EP400: variants seen among roughly 807,000 people sequenced by gnomAD.
EP400 encodes the protein E1A binding protein p400.
Under a neutral mutation model 354.1 loss-of-function variants are expected in EP400, and 105 were observed. The observed-to-expected ratio is 0.30, with a 90% CI of 0.25 to 0.35. The LOEUF (loss-of-function observed/expected upper bound fraction) is 0.35. Ranked by LOEUF, EP400 falls within the 10% of genes least tolerant of loss-of-function variation. EP400 has a pLI of 1.00. For synonymous variants in EP400, 1,646 were observed against 1,716.9 expected, an observed-to-expected ratio of 0.96 and a Z score of 1.02; for missense variants, 3,280 against 4,121.0, an observed-to-expected ratio of 0.80 and a Z score of 5.59.
intron 1 of EP400, among the ~76,000 whole-genome samples, chr12:131,951,244 G>C (rs1209713465): frequency 6.6e-6 from 1 of 151,772 alleles, no homozygotes; most frequent in Non-Finnish European, 1.5e-5. Flanking sequence ...TAGAGACGGG[G>C]TTTCACTGTG....
At chr12:132,072,813 A>G (rs988739456) in intron 51 of EP400, among the ~76,000 whole-genome samples, 3 of 152,170 alleles carry the variant, frequency 2.0e-5, no homozygotes, top group Admixed American at 6.5e-5. Flanking sequence ...GTTTTGCTTT[A>G]TATCTTAGAA....
rs1413471288 is a variant in EP400, at chr12:132,025,476, G to A, written c.4856-170G>A. ...TCTTAGTGTGTCGTCATCCACTGTC[G>A]GTGATGGGTTGCCACTTTCCTCACA... On this transcript the variant is annotated intron_variant, in intron 24 of 52. Transcript: ENST00000389561. This position sits in a 1 kb window ranked among gnomAD's most constrained non-coding sequence, Gnocchi z 4.1. Among the ~76,000 whole-genome samples, 3 of 152,162 alleles carry A rather than the reference G, an allele frequency of 2.0e-5. No homozygotes were observed. Among genetic ancestry groups the A allele is most frequent in the East Asian group, 1.9e-4 (1 of 5,194 alleles).
At chr12:132,010,950 A>C (rs1020456298) in intron 15 of EP400, among the ~76,000 whole-genome samples, 12 of 152,218 alleles carry the variant, frequency 7.9e-5, no homozygotes, top group Non-Finnish European at 1.8e-4. Flanking sequence ...CTTAAAAAAA[A>C]CAAAATCTTA....
chr12:132,020,066 A>G lies in EP400; in HGVS notation c.4295A>G (p.Gln1432Arg). 1.1e-5 allele frequency: 18 copies of G among 1,579,992 alleles called. No individual in the cohort carries two copies. The highest frequency in any genetic ancestry group is 1.4e-5 in the African/African-American group (1 of 73,612). ...GCATCTAGGTTGTTTCAGCCTGTGC[A>G]GTATGGCCAGAAGCCCGAGGGTCGC... ...LKASRLFQPV[Q>R]YGQKPEGRTV... Residue 1432 changes from glutamine to arginine, a missense_variant, in exon 22 of 53, where the codon CAG (glutamine) becomes CGG (arginine). By Grantham distance (43) the Gln-to-Arg change is conservative. Around this residue, in one of 20 missense-constraint regions of EP400, gnomAD observed 342 missense variants for 342.7 expected, o/e 1.00. Coordinates refer to ENST00000389561, the MANE Select transcript of EP400 (RefSeq NM_015409.5).
chr12:132,004,117 T>C (rs1893504658), intron 12 of EP400, among the ~76,000 whole-genome samples: 1 of 152,238 alleles, frequency 6.6e-6, no homozygotes. Context: ...AATGATGAGG[T>C]TGAGGGCATT....
intron 12 of EP400, among the ~76,000 whole-genome samples, chr12:131,995,577 A>C (rs527512362): frequency 1.1e-4 from 16 of 148,920 alleles, no homozygotes; most frequent in Non-Finnish European, 1.9e-4. Flanking sequence ...GCTTGACTGA[A>C]TGTACCGTTC....
At chr12:132,057,522 G>A (rs1180344924) in intron 45 of EP400, among the ~76,000 whole-genome samples, 4 of 152,174 alleles carry the variant, frequency 2.6e-5, no homozygotes, top group Non-Finnish European at 4.4e-5. Context: ...GGAGTGGTGG[G>A]GTCATGGCAG....
At chr12:132,064,189 C>T (rs1593385223) in intron 47 of EP400, among the ~76,000 whole-genome samples, 1 of 152,170 alleles carries the variant, frequency 6.6e-6, no homozygotes, top group Non-Finnish European at 1.5e-5. Flanking sequence ...CCTTGGCTGC[C>T]AGGAGCTCTG....
At chr12:132,020,021 C>T in intron 21 of EP400, 28 bp from the exon 22 acceptor site, 1 of 1,498,318 alleles carries the variant, frequency 6.7e-7, no homozygotes, top group Non-Finnish European at 8.9e-7. Context: ...TGCTCTGTAT[C>T]TTCTTGCCTG....
In EP400 at chr12:132,021,259, C is replaced by A; in HGVS notation, c.4628C>A (p.Ala1543Asp). 6.5e-7 allele frequency: 1 copy of A among 1,538,098 alleles called. No individual in the cohort carries two copies. Among genetic ancestry groups the A allele is most frequent in the Non-Finnish European group, 8.7e-7 (1 of 1,148,034 alleles). The stretch of plus-strand genomic sequence containing the variant: ...CAGCCCCAGGCCCCCTCGCACGCGG[C>A]CGGGCAGAGCGCGCTGCCTCAGAGG... ...PPQPQAPSHAAGQSALPQRLV... is the reference protein window; with the variant it reads ...PPQPQAPSHADGQSALPQRLV... Residue 1543 changes from alanine (A) to aspartate (D), a missense_variant, in exon 23 of 53, where the codon GCC becomes GAC. Ala to Asp is a moderately radical substitution (Grantham distance 126, BLOSUM62 -2). Coordinates refer to ENST00000389561, the MANE Select transcript of EP400 (RefSeq NM_015409.5).
intron 23 of EP400, among the ~76,000 whole-genome samples, chr12:132,023,255 C>T (rs987501039): frequency 7.0e-6 from 1 of 142,832 alleles, no homozygotes; most frequent in Non-Finnish European, 1.5e-5. Context: ...GCCTCAGCCT[C>T]GTGTGTAGCT....
At chr12:132,066,997 CT>C (rs1488955105) in intron 49 of EP400, 28 bp downstream of exon 49, 4 of 1,545,282 alleles carry the variant, frequency 2.6e-6, no homozygotes, top group Non-Finnish European at 3.5e-6. Context: ...CCCTCCCGTC[CT>C]GGGCTTGAGC....
intron 50 of EP400, 115 bp from the exon 51 acceptor site, chr12:132,069,380 G>A (rs1896002653): frequency 6.8e-7 from 1 of 1,462,862 alleles, no homozygotes; most frequent in Admixed American, 2.0e-5. Context: ...GGTTGGTCTG[G>A]GAGGTAGGCT....
intron 12 of EP400, among the ~76,000 whole-genome samples, chr12:131,998,594 TTC>T (rs1429652738): frequency 6.6e-6 from 1 of 151,202 alleles, no homozygotes; most frequent in African/African-American, 2.4e-5. Flanking sequence ...TTGATTTTAT[TTC>T]TCTTATACTC....
At position 131,990,367 on chromosome 12, in the gene EP400, A is replaced by G. The variant is rs58721801; in HGVS notation, c.2550+263A>G. Among the ~76,000 whole-genome samples the G allele has an allele frequency of 0.13, 19,124 of 152,154 alleles. 1,645 individuals are homozygous for G. Among genetic ancestry groups the G allele is most frequent in the African/African-American group, 0.24 (10,143 of 41,472 alleles). ...GTGGAGGGGCTCTGGGCATTGTTTC[A>G]GGGTTAGCGTGAGTCACCACCACGG... On this transcript the variant is annotated intron_variant, in intron 8 of 52. Transcript: ENST00000389561. This position sits in a 1 kb window ranked among gnomAD's most constrained non-coding sequence, Gnocchi z 4.2.
Position 132,027,709 on chromosome 12 carries a change from A to G in EP400, c.5109+178A>G, listed in dbSNP as rs1274434838. Among the ~76,000 whole-genome samples the G allele has an allele frequency of 6.6e-6, 1 of 152,248 alleles. No individual in the cohort carries two copies. The highest frequency in any genetic ancestry group is 1.5e-5 in the Non-Finnish European group (1 of 68,042). On this transcript the variant is annotated intron_variant, in intron 26 of 52. Coordinates refer to ENST00000389561, the MANE Select transcript of EP400 (RefSeq NM_015409.5). This position sits in a 1 kb window ranked among gnomAD's most constrained non-coding sequence, Gnocchi z 4.9. ...AAATGAAACTGGACTTACGACTGCC[A>G]CAATCTTTTTTTGTATTTTTTATGT...
chr12:132,042,252 G>C (rs926593106), intron 32 of EP400, among the ~76,000 whole-genome samples: 2 of 152,182 alleles, frequency 1.3e-5, no homozygotes, highest in African/African-American at 4.8e-5. Context: ...TGCCCGGCCA[G>C]TTGTCTCTGT....
chr12:131,972,792 C>T (rs1383699608), intron 2 of EP400, among the ~76,000 whole-genome samples: 2 of 132,442 alleles, frequency 1.5e-5, no homozygotes, highest in South Asian at 2.4e-4. Flanking sequence ...AGTGCAGTGG[C>T]GCGATCTCGA....
chr12:131,989,315 CG>C (rs1892956892), intron 7 of EP400, among the ~76,000 whole-genome samples: 1 of 152,232 alleles, frequency 6.6e-6, no homozygotes, highest in African/African-American at 2.4e-5. Flanking sequence ...CAGCCCACCC[CG>C]ATCAGGGCCT....
Sources: gnomAD v4.1 joint callset for allele counts (sites outside exome capture counted in the v4.1 genomes callset) on GRCh38, gnomAD v4.1.1 for gene constraint, gnomAD v4.1.1 regional missense constraint, Gnocchi (gnomAD v3.1) non-coding constraint, MANE v1.5 for transcripts, NCBI Gene and HGNC (gene_info 2026-07-23, HGNC 2026-07-21) for gene names.